Variants in DSCAML1 observed in about 807,000 individuals in gnomAD.
The protein encoded by DSCAML1 is cell adhesion molecule DSCAML1.
Under a neutral mutation model 200.5 loss-of-function variants are expected in DSCAML1, and 38 were observed. That is an observed-to-expected ratio of 0.19 (90% CI 0.15 to 0.25). The LOEUF (loss-of-function observed/expected upper bound fraction) is 0.25, where lower values mean the gene tolerates loss of function less well. Among genes scored for constraint, DSCAML1 ranks in the 10% least tolerant of loss-of-function variants. DSCAML1 has a pLI of 1.00. For synonymous variants in DSCAML1, 1,215 were observed against 1,165.0 expected (o/e 1.04, Z -0.87); for missense variants, 2,223 against 2,858.8 (o/e 0.78, Z 5.07).
At chr11:117,776,188 G>A (rs1051393092) in intron 3 of DSCAML1, among the ~76,000 whole-genome samples, 4 of 152,072 alleles carry the variant, frequency 2.6e-5, no homozygotes, top group African/African-American at 9.7e-5. Context: ...TCACAATCAC[G>A]GCAGCTGTGA....
At chr11:117,587,434 C>A (rs895172271) in intron 3 of DSCAML1, among the ~76,000 whole-genome samples, 1 of 152,196 alleles carries the variant, frequency 6.6e-6, no homozygotes, top group East Asian at 1.9e-4. Flanking sequence ...GCCCCCTGAC[C>A]CCCATGGTGG....
intron 11 of DSCAML1, 64 bp from the exon 12 acceptor site, chr11:117,482,226 T>G: frequency 6.3e-7 from 1 of 1,580,758 alleles, no homozygotes; most frequent in Non-Finnish European, 8.6e-7. Flanking sequence ...GAGGCACGCG[T>G]GCCCTGCGCA....
At chr11:117,632,521 C>T (rs1034405274) in intron 3 of DSCAML1, among the ~76,000 whole-genome samples, 6 of 152,274 alleles carry the variant, frequency 3.9e-5, no homozygotes, top group Non-Finnish European at 8.8e-5. Context: ...TCCTAGGGTG[C>T]AGCAGGCCAT....
At chr11:117,781,511 T>C (rs1200668781) in intron 1 of DSCAML1, among the ~76,000 whole-genome samples, 2 of 152,180 alleles carry the variant, frequency 1.3e-5, no homozygotes, top group Non-Finnish European at 2.9e-5. Context: ...GGAGCTGGGA[T>C]GCTCGCCTGG....
At chr11:117,791,172 T>G (rs1473251883) in intron 1 of DSCAML1, among the ~76,000 whole-genome samples, 1 of 152,056 alleles carries the variant, frequency 6.6e-6, no homozygotes, top group East Asian at 1.9e-4. Flanking sequence ...CTCCCCAACA[T>G]GTAGGATCCC....
intron 18 of DSCAML1, 71 bp from the exon 19 acceptor site, chr11:117,458,980 C>A: frequency 6.4e-7 from 1 of 1,564,078 alleles, no homozygotes; most frequent in Non-Finnish European, 8.7e-7. Flanking sequence ...CCCCTGCTGC[C>A]TGGGCTCTGC....
At chr11:117,790,718 C>T (rs1315564193) in intron 1 of DSCAML1, among the ~76,000 whole-genome samples, 1 of 152,196 alleles carries the variant, frequency 6.6e-6, no homozygotes, top group African/African-American at 2.4e-5. Flanking sequence ...GTAACAACTG[C>T]TCTGTAGGAT....
intron 20 of DSCAML1, 120 bp from the exon 21 acceptor site, chr11:117,444,159 C>T: frequency 8.2e-7 from 1 of 1,218,104 alleles, no homozygotes; most frequent in Non-Finnish European, 1.1e-6. Context: ...AGGCAGGATT[C>T]TGTCCTATTT....
At chr11:117,541,402 G>A (rs370098641) in intron 3 of DSCAML1, among the ~76,000 whole-genome samples, 1 of 152,228 alleles carries the variant, frequency 6.6e-6, no homozygotes, top group Non-Finnish European at 1.5e-5. Flanking sequence ...CACAGCAGAT[G>A]CTCAGTGAAC....
rs1390167659 is a variant in DSCAML1, at chr11:117,471,726, G to A, written c.2953+143C>T. On this transcript the variant is annotated intron_variant, in intron 15 of 32. Transcript: ENST00000651296. ...TAGGAGCCTGCAGTGATCCAGAGGT[G>A]GACACAAACATCTGTTAGGATGCTT... 11 of 737,092 alleles carry A rather than the reference G, an allele frequency of 1.5e-5. No individual in the cohort carries two copies. The South Asian group carries it at 1.7e-4, about 12-fold the overall frequency. The allele number at this position is 737,092 out of a possible 1,614,324, so 45.7% of individuals were successfully genotyped here. A position where few individuals can be genotyped will look rare whatever the true frequency, so the allele number is the denominator to read the frequency against.
At chr11:117,701,750 T>C (rs577301248) in intron 3 of DSCAML1, among the ~76,000 whole-genome samples, 2 of 152,328 alleles carry the variant, frequency 1.3e-5, no homozygotes, top group African/African-American at 4.8e-5. Context: ...GTCTGTCACC[T>C]ACAGACCCTT....
intron 3 of DSCAML1, among the ~76,000 whole-genome samples, chr11:117,610,844 C>CCG (rs1368850743): frequency 2.0e-5 from 3 of 147,358 alleles, no homozygotes; most frequent in Admixed American, 6.8e-5. Flanking sequence ...AAAACAACCC[C>CCG]CCCCCCCCAC....
intron 3 of DSCAML1, among the ~76,000 whole-genome samples, chr11:117,662,989 ACCGG>A (rs2052887569): frequency 6.6e-6 from 1 of 151,844 alleles, no homozygotes; most frequent in South Asian, 2.1e-4. Flanking sequence ...TATAAGCCCT[ACCGG>A]AGTTGTCATT....
chr11:117,438,852 C>A, intron 24 of DSCAML1, 33 bp downstream of exon 24: 2 of 1,498,252 alleles, frequency 1.3e-6, no homozygotes, highest in East Asian at 2.6e-5. Context: ...AATTCCTTCC[C>A]CTATCTTCCC....
In DSCAML1 at chr11:117,437,376, G is replaced by T. The variant is rs774105324; in HGVS notation, c.4466C>A (p.Thr1489Asn). Residue 1489 changes from threonine to asparagine, a missense_variant, in exon 26 of 33, where the codon ACC becomes AAC. Physicochemically the swap from Thr to Asn is moderately conservative, Grantham distance 65. Coordinates refer to ENST00000651296, the MANE Select transcript of DSCAML1 (RefSeq NM_020693.4). This position sits in a 1 kb window ranked among gnomAD's most constrained non-coding sequence, Gnocchi z 5.3. ...PSFSKDQHLF[T>N]HINSTHARLN... is the part of the protein sequence containing the mutation. ...CCGAGCATGCGTGGAGTTGATGTGG[G>T]TGAAGAGGTGTTGGTCTTTGCTGAA... 6.2e-6 allele frequency: 10 copies of T among 1,614,076 alleles called. No individual in the cohort carries two copies. In the South Asian group the frequency reaches 9.9e-5, roughly 16 times the overall value.
At chr11:117,544,972 C>T (rs556628785) in intron 3 of DSCAML1, among the ~76,000 whole-genome samples, 1 of 152,228 alleles carries the variant, frequency 6.6e-6, no homozygotes, top group Admixed American at 6.5e-5. Context: ...TGGCTCATGC[C>T]TGTAATCCCA....
intron 11 of DSCAML1, among the ~76,000 whole-genome samples, chr11:117,484,730 TCCATTTTTTAC>T (rs2049002120): frequency 6.6e-6 from 1 of 152,200 alleles, no homozygotes; most frequent in Non-Finnish European, 1.5e-5. Context: ...TGCAGATGCC[TCCATTTTTTAC>T]TGGAGAATTG....
chr11:117,537,500 T>A (rs2050191933), intron 3 of DSCAML1, among the ~76,000 whole-genome samples: 2 of 152,112 alleles, frequency 1.3e-5, no homozygotes, highest in South Asian at 4.1e-4. Flanking sequence ...GGAGGCCAGG[T>A]TGGAGTCCAG....
chr11:117,797,344 C>G (rs1047767463), upstream of DSCAML1: 1 of 1,193,646 alleles, frequency 8.4e-7, no homozygotes, highest in East Asian at 3.3e-5. Flanking sequence ...GGAGCCCAGA[C>G]GGACCCCAGC....
Sources: allele counts gnomAD v4.1 joint callset (sites outside exome capture counted in the v4.1 genomes callset), GRCh38; gene constraint gnomAD v4.1.1; non-coding constraint Gnocchi (gnomAD v3.1); transcripts MANE v1.5; gene names NCBI Gene and HGNC (gene_info 2026-07-23, HGNC 2026-07-21).